TMEM170A: variants seen among roughly 807,000 people sequenced by gnomAD.
The protein encoded by TMEM170A is transmembrane protein 170A, also known as transmembrane protein 170.
Under a neutral mutation model 12.8 loss-of-function variants are expected in TMEM170A, and 18 were observed. The ratio of observed to expected loss-of-function variants is 1.41; its 90% CI spans 0.97 to 2.09. TMEM170A has a LOEUF of 2.09. Among genes scored for constraint, TMEM170A ranks in the 30% most tolerant of loss-of-function variants. TMEM170A has a pLI of 0.00. For missense variants in TMEM170A, 220 were observed against 179.9 expected (o/e 1.22, Z -1.28); for synonymous variants, 107 against 76.2 (o/e 1.40, Z -2.11).
At position 75,444,223 on chromosome 16, in the gene TMEM170A, C is replaced by G. The variant is rs931424029; in HGVS notation, c.*3335G>C. On this transcript the variant is annotated 3_prime_UTR_variant, in exon 3 of 3. Transcript: ENST00000561878. ...GTGGCTCATGCCTGTAATCCCAGCACTTTGGGAGGTGGAGGCGGGTCAGGA... is the reference window on the plus strand; with the variant it reads ...GTGGCTCATGCCTGTAATCCCAGCAGTTTGGGAGGTGGAGGCGGGTCAGGA... 2 of 152,048 alleles carry G rather than the reference C, an allele frequency of 1.3e-5. No individual in the cohort carries two copies. The highest frequency in any genetic ancestry group is 4.8e-5 in the African/African-American group (2 of 41,336). 9.4% of individuals were successfully genotyped at this position (152,048 alleles called of 1,614,324 possible).
intron 2 of TMEM170A, 107 bp from the exon 3 acceptor site, chr16:75,447,795 T>C: frequency 8.0e-7 from 1 of 1,248,758 alleles, no homozygotes; most frequent in Non-Finnish European, 1.1e-6. Context: ...TTCCAGATTT[T>C]ATACTGAAAT....
At chr16:75,463,762 G>T (rs1218512860) in intron 1 of TMEM170A, among the ~76,000 whole-genome samples, 1 of 152,150 alleles carries the variant, frequency 6.6e-6, no homozygotes, top group Non-Finnish European at 1.5e-5. Flanking sequence ...AGCTTTCAGG[G>T]CACGGAGCGC....
intron 1 of TMEM170A, among the ~76,000 whole-genome samples, chr16:75,463,693 T>C (rs192747387): frequency 0.012 from 1,773 of 152,360 alleles, 37 homozygotes; most frequent in African/African-American, 0.041. Context: ...CACAAATAAC[T>C]GTGCCTCCCC....
At chr16:75,464,106 C>T in intron 1 of TMEM170A, 5 of 1,105,838 alleles carry the variant, frequency 4.5e-6, no homozygotes, top group Non-Finnish European at 6.4e-6. Context: ...CGTGGGGCAA[C>T]CCAGGCAGGG....
chr16:75,459,391 C>T (rs1236201812), intron 1 of TMEM170A, among the ~76,000 whole-genome samples: 2 of 152,190 alleles, frequency 1.3e-5, no homozygotes, highest in East Asian at 3.9e-4. Context: ...CAAATGGCAG[C>T]AATGCAAACA....
chr16:75,451,313 G>A (rs980840364), intron 2 of TMEM170A: 5 of 339,640 alleles, frequency 1.5e-5, no homozygotes, highest in African/African-American at 1.1e-4. Flanking sequence ...ATTTTGGGAG[G>A]CCAAGGTGGG....
At chr16:75,458,016 G>A (rs1035688846) in intron 1 of TMEM170A, among the ~76,000 whole-genome samples, 2 of 152,134 alleles carry the variant, frequency 1.3e-5, no homozygotes, top group African/African-American at 4.8e-5. Flanking sequence ...AAAACTAAGT[G>A]ATTTCCCTTT....
At chr16:75,454,280 C>T (rs939022142) in intron 1 of TMEM170A, among the ~76,000 whole-genome samples, 3 of 152,162 alleles carry the variant, frequency 2.0e-5, no homozygotes, top group African/African-American at 7.2e-5. Context: ...GGCAAAACTA[C>T]CCTGATTAAA....
At chr16:75,450,691 G>A (rs1428390283) in intron 2 of TMEM170A, among the ~76,000 whole-genome samples, 2 of 151,974 alleles carry the variant, frequency 1.3e-5, no homozygotes, top group African/African-American at 4.8e-5. Context: ...GTCTTGCTCT[G>A]TGGCCCAGGC....
At chr16:75,463,177 T>A (rs959132407) in intron 1 of TMEM170A, among the ~76,000 whole-genome samples, 1 of 152,160 alleles carries the variant, frequency 6.6e-6, no homozygotes, top group Non-Finnish European at 1.5e-5. Context: ...TTGGCAGGCT[T>A]GACATTTTTC....
At position 75,447,631 on chromosome 16, in the gene TMEM170A, G is replaced by C; in HGVS notation, c.362C>G (p.Ala121Gly). Residue 121 changes from alanine (A) to glycine (G), a missense_variant, in exon 3 of 3, where the codon GCC becomes GGC. By Grantham distance (60) the Ala-to-Gly change is moderately conservative. Transcript: ENST00000561878. ...TGTCTGTCCAGTGCCCAGTGTGAGG[G>C]CTTCAAATGGTATCATTTCCTTCCC... ...AAGKEMIPFE[A>G]LTLGTGQTFC... 3 of 1,612,090 alleles carry C rather than the reference G, an allele frequency of 1.9e-6. No individual in the cohort carries two copies. The South Asian group carries it at 3.3e-5, about 18-fold the overall frequency.
intron 1 of TMEM170A, among the ~76,000 whole-genome samples, chr16:75,456,914 G>T (rs1000100254): frequency 6.6e-6 from 1 of 152,174 alleles, no homozygotes; most frequent in African/African-American, 2.4e-5. Flanking sequence ...TTCCAAAGCA[G>T]AAAGACCATC....
At chr16:75,448,124 T>A (rs1343184595) in intron 2 of TMEM170A, among the ~76,000 whole-genome samples, 2 of 152,154 alleles carry the variant, frequency 1.3e-5, no homozygotes, top group Non-Finnish European at 2.9e-5. Flanking sequence ...AAGCAAGAAA[T>A]GTTTCAGGCC....
chr16:75,447,832 T>C, intron 2 of TMEM170A, 144 bp from the exon 3 acceptor site: 1 of 1,041,494 alleles, frequency 9.6e-7, no homozygotes, highest in South Asian at 1.8e-5. Context: ...TGTTAGGTTT[T>C]CCCTATTCTT....
In TMEM170A at chr16:75,464,485, G is replaced by A; in HGVS notation, c.116C>T (p.Ser39Phe). Residue 39 changes from serine to phenylalanine, a missense_variant, in exon 1 of 3, where the codon TCC becomes TTC. Ser to Phe is a radical substitution (Grantham distance 155, BLOSUM62 -2). Transcript: ENST00000561878. ...GNGTLCPNST[S>F]LCSFPEMWYG... ...GGCCGTACCTGGGAAGGAGCAGAGG[G>A]AAGTAGAGTTGGGGCACAGGGTCCC... is the stretch of plus-strand genomic sequence containing the variant. The A allele has an allele frequency of 1.3e-6, 2 of 1,565,474 alleles. No homozygotes were observed. The highest frequency in any genetic ancestry group is 1.7e-6 in the Non-Finnish European group (2 of 1,159,870).
intron 2 of TMEM170A, among the ~76,000 whole-genome samples, chr16:75,450,833 AT>A (rs1567698175): frequency 6.6e-6 from 1 of 151,976 alleles, no homozygotes; most frequent in African/African-American, 2.4e-5. Context: ...TAAATTTTTT[AT>A]TTTTATTTGT....
chr16:75,458,550 G>A (rs1420247528), intron 1 of TMEM170A: 1 of 152,224 alleles, frequency 6.6e-6, no homozygotes, highest in East Asian at 1.9e-4. Flanking sequence ...GGGAATGTAC[G>A]TGGCCTCTAA....
At chr16:75,457,531 C>G (rs747127292) in intron 1 of TMEM170A, among the ~76,000 whole-genome samples, 7 of 152,142 alleles carry the variant, frequency 4.6e-5, no homozygotes, top group Non-Finnish European at 8.8e-5. Flanking sequence ...ATCCTGGCAC[C>G]CTAATCCCAG....
At chr16:75,449,932 G>C (rs1167075430) in intron 2 of TMEM170A, among the ~76,000 whole-genome samples, 1 of 152,202 alleles carries the variant, frequency 6.6e-6, no homozygotes, top group African/African-American at 2.4e-5. Context: ...AAAGGGAACA[G>C]ACTATTCATA....
Sources: gnomAD v4.1 joint callset for allele counts (sites outside exome capture counted in the v4.1 genomes callset) on GRCh38, gnomAD v4.1.1 for gene constraint, MANE v1.5 for transcripts, NCBI Gene and HGNC (gene_info 2026-07-23, HGNC 2026-07-21) for gene names.